Variants in ATP9A observed in about 807,000 individuals in gnomAD.
ATP9A encodes ATPase phospholipid transporting 9A.
In ATP9A, 52 loss-of-function variants were observed where a neutral mutation model predicts 144.1. That is an observed-to-expected ratio of 0.36 (90% CI 0.29 to 0.45). ATP9A has a LOEUF of 0.45. Ranked by LOEUF, ATP9A falls within the 20% of genes least tolerant of loss-of-function variation. The probability of loss-of-function intolerance (pLI) is 1.00; values close to 1 mark genes in which losing one functional copy is unlikely to be tolerated. For missense variants in ATP9A, 947 were observed against 1,392.7 expected (o/e 0.68, Z 5.09); for synonymous variants, 582 against 557.4 (o/e 1.04, Z -0.62).
chr20:51,696,003 A>G (rs1488904512), intron 6 of ATP9A, 90 bp downstream of exon 6: 3 of 1,235,992 alleles, frequency 2.4e-6, no homozygotes, highest in Non-Finnish European at 3.5e-6. Flanking sequence ...CAAAATGATA[A>G]TCTACTTTGT....
At chr20:51,677,811 C>G (rs1304957546) in intron 9 of ATP9A, among the ~76,000 whole-genome samples, 1 of 151,942 alleles carries the variant, frequency 6.6e-6, no homozygotes, top group Admixed American at 6.6e-5. Context: ...ATCAACATGG[C>G]CAGTGAACAA....
chr20:51,762,619 A>T (rs574901561), intron 1 of ATP9A, among the ~76,000 whole-genome samples: 298 of 151,132 alleles, frequency 2.0e-3, no homozygotes, highest in Admixed American at 3.0e-3. Context: ...AGATCATGCC[A>T]CTGCACTCCA....
intron 23 of ATP9A, among the ~76,000 whole-genome samples, chr20:51,610,635 G>A (rs1293939249): frequency 6.6e-6 from 1 of 152,014 alleles, no homozygotes; most frequent in Non-Finnish European, 1.5e-5. Flanking sequence ...CAGCCCTATG[G>A]GACTCAAGCC....
chr20:51,644,963 C>T lies in ATP9A; in HGVS notation c.1507-5459G>A, dbSNP rs375085658. Among the ~76,000 whole-genome samples, 17 of 152,308 alleles carry T rather than the reference C, an allele frequency of 1.1e-4. 2 individuals carry two copies. Among genetic ancestry groups the T allele is most frequent in the East Asian group, 3.9e-4 (2 of 5,192 alleles). On this transcript the variant is annotated intron_variant, in intron 14 of 27. Coordinates refer to ENST00000338821, the MANE Select transcript of ATP9A (RefSeq NM_006045.3). ...TCTGTAACTCCAGAACCAGAAGTGG[C>T]TTCCAGGGCTGGGCAGCAGAATCGG...
chr20:51,711,495 T>C (rs1459667444), intron 4 of ATP9A, among the ~76,000 whole-genome samples: 1 of 152,160 alleles, frequency 6.6e-6, no homozygotes, highest in Non-Finnish European at 1.5e-5. Flanking sequence ...TCTTATCTCT[T>C]TCCAAATTCT....
At position 51,627,448 on chromosome 20, in the gene ATP9A, G is replaced by C. The variant is rs989984495; in HGVS notation, c.1845+152C>G. 10 of 715,070 alleles carry C rather than the reference G, an allele frequency of 1.4e-5. No individual in the cohort carries two copies. In the African/African-American group the frequency reaches 1.6e-4, roughly 11 times the overall value. The allele number at this position is 715,070 out of a possible 1,614,324, so 44.3% of individuals were successfully genotyped here. A position where few individuals can be genotyped will look rare whatever the true frequency, so the allele number is the denominator to read the frequency against. ...GGGTGAAGAGAGTTCCAGGCAGACAGAACGGCAAGTGCAAAGGCCTTCAAC... is the reference window on the plus strand; with the variant it reads ...GGGTGAAGAGAGTTCCAGGCAGACACAACGGCAAGTGCAAAGGCCTTCAAC... On this transcript the variant is annotated intron_variant, in intron 17 of 27. Coordinates refer to ENST00000338821, the MANE Select transcript of ATP9A (RefSeq NM_006045.3).
intron 21 of ATP9A, among the ~76,000 whole-genome samples, chr20:51,618,097 G>C (rs2077210801): frequency 6.6e-6 from 1 of 152,020 alleles, no homozygotes; most frequent in Admixed American, 6.6e-5. Context: ...GTGCACGCCT[G>C]CAGTCCCAGC....
chr20:51,639,208 G>A (rs922882950), intron 15 of ATP9A, 135 bp downstream of exon 15: 4 of 996,612 alleles, frequency 4.0e-6, no homozygotes, highest in African/African-American at 3.3e-5. Flanking sequence ...TTCTGCTTAG[G>A]GAATTATATT....
At chr20:51,613,087 C>T (rs2077190672) in intron 23 of ATP9A, among the ~76,000 whole-genome samples, 1 of 151,936 alleles carries the variant, frequency 6.6e-6, no homozygotes, top group Admixed American at 6.6e-5. Context: ...CCTCAGCCTC[C>T]CCATCCGTAA....
intron 1 of ATP9A, among the ~76,000 whole-genome samples, chr20:51,763,569 T>C (rs769821005): frequency 5.5e-4 from 83 of 152,286 alleles, no homozygotes; most frequent in Middle Eastern, 6.8e-3. Context: ...CACCTTGGCC[T>C]CCCAAAGTGC....
chr20:51,687,810 A>G (rs2077530164), intron 9 of ATP9A, among the ~76,000 whole-genome samples: 1 of 139,188 alleles, frequency 7.2e-6, no homozygotes, highest in Non-Finnish European at 1.6e-5. Context: ...AATGAAAGAG[A>G]GAAGCAACCA....
chr20:51,730,288 G>A (rs1303464518), intron 1 of ATP9A, among the ~76,000 whole-genome samples: 1 of 152,112 alleles, frequency 6.6e-6, no homozygotes, highest in Non-Finnish European at 1.5e-5. Context: ...CTGACATGGT[G>A]AAATCTCGTC....
intron 23 of ATP9A, among the ~76,000 whole-genome samples, chr20:51,612,736 A>T (rs1429225479): frequency 6.6e-6 from 1 of 152,152 alleles, no homozygotes; most frequent in Non-Finnish European, 1.5e-5. Flanking sequence ...ATGATGACAG[A>T]TTTTGAAGAA....
intron 14 of ATP9A, among the ~76,000 whole-genome samples, chr20:51,655,763 T>C (rs189151956): frequency 2.6e-5 from 4 of 152,166 alleles, no homozygotes; most frequent in African/African-American, 7.2e-5. Flanking sequence ...CCATATGACA[T>C]TGCCAACCCA....
rs116160736 is a variant in ATP9A, at chr20:51,663,092, T to C, written c.1294-5942A>G. On this transcript the variant is annotated intron_variant, in intron 13 of 27. Transcript: ENST00000338821. Reference sequence around the variant, plus strand: ...ATCTCAAAAAAAAACATTTTTAAAATATACATACTTAAGATCCAGACCCAA... The same window carrying C: ...ATCTCAAAAAAAAACATTTTTAAAACATACATACTTAAGATCCAGACCCAA... Among the ~76,000 whole-genome samples the C allele has an allele frequency of 1.5e-4, 23 of 152,178 alleles. 1 individual carries two copies. The highest frequency in any genetic ancestry group is 5.3e-4 in the African/African-American group (22 of 41,520).
intron 1 of ATP9A, among the ~76,000 whole-genome samples, chr20:51,746,524 C>T (rs1045304574): frequency 8.6e-5 from 13 of 151,394 alleles, no homozygotes; most frequent in African/African-American, 3.2e-4. Context: ...CATAGCTAAA[C>T]GCTGTCTCTA....
rs11268017 is a variant in ATP9A at position 51,651,156 on chromosome 20, A to ATATATATATATATATATATATG, written c.1506+5781_1506+5782insCATATATATATATATATATATA. Among the ~76,000 whole-genome samples, 315 of 126,938 alleles carry ATATATATATATATATATATATG rather than the reference A, an allele frequency of 2.5e-3. 6 individuals carry two copies. The highest frequency in any genetic ancestry group is 9.4e-3 in the Admixed American group (107 of 11,324). 83.3% of individuals were successfully genotyped at this position (126,938 alleles called of 152,430 possible). On this transcript the variant is annotated intron_variant, in intron 14 of 27. Transcript: ENST00000338821. Reference sequence around the variant, plus strand: ...ACTGGTCCTCTCTCTCTCTCTCCATATATATATATACACACACACACACAA... The same window carrying ATATATATATATATATATATATG: ...ACTGGTCCTCTCTCTCTCTCTCCATATATATATATATATATATATATGTATATATATACACACACACACACAA...
chr20:51,622,478 T>G (rs1410648938), intron 18 of ATP9A, among the ~76,000 whole-genome samples: 2 of 152,190 alleles, frequency 1.3e-5, no homozygotes, highest in African/African-American at 4.8e-5. Context: ...CTGAGGATTT[T>G]TCTTAAAGTG....
intron 13 of ATP9A, among the ~76,000 whole-genome samples, chr20:51,663,769 G>A (rs1258906959): frequency 6.8e-6 from 1 of 147,214 alleles, no homozygotes; most frequent in Non-Finnish European, 1.5e-5. Context: ...ACTCCAGCCT[G>A]GGAAACAGAG....
Sources: gnomAD v4.1 joint callset for allele counts (sites outside exome capture counted in the v4.1 genomes callset) on GRCh38, gnomAD v4.1.1 for gene constraint, MANE v1.5 for transcripts, NCBI Gene and HGNC (gene_info 2026-07-23, HGNC 2026-07-21) for gene names.